The following FHIT variants were observed in gnomAD, a reference collection of about 807,000 sequenced individuals.
FHIT encodes the protein fragile histidine triad diadenosine triphosphatase, also known as bis(5'-adenosyl)-triphosphatase.
A neutral mutation model predicts 17.9 loss-of-function variants in FHIT; 19 were observed. That is an observed-to-expected ratio of 1.06 (90% confidence interval 0.74 to 1.56). The LOEUF (loss-of-function observed/expected upper bound fraction) is 1.56. Ranked by LOEUF, FHIT falls within the 40% of genes most tolerant of loss-of-function variation. The pLI, the probability that FHIT is intolerant of heterozygous loss-of-function variation, is 0.00. For synonymous variants in FHIT, 81 were observed against 69.7 expected (o/e 1.16, Z -0.81); for missense variants, 248 against 189.2 (o/e 1.31, Z -1.82).
intron 5 of FHIT, among the ~76,000 whole-genome samples, chr3:60,333,920 A>G (rs1426633073): frequency 6.6e-6 from 1 of 152,136 alleles, no homozygotes; most frequent in Non-Finnish European, 1.5e-5. Context: ...CTGTTGATCA[A>G]CTTCTCTCCC....
intron 5 of FHIT, among the ~76,000 whole-genome samples, chr3:60,082,343 T>C (rs1428513664): frequency 3.9e-5 from 6 of 152,158 alleles, no homozygotes; most frequent in Non-Finnish European, 7.4e-5. Flanking sequence ...CCACTGTGTA[T>C]GTGTACCGTA....
intron 5 of FHIT, among the ~76,000 whole-genome samples, chr3:60,353,807 C>T (rs778428635): frequency 1.8e-4 from 28 of 152,124 alleles, no homozygotes; most frequent in Admixed American, 1.1e-3. Flanking sequence ...GAGACAGACA[C>T]ACTTTCAAAA....
intron 3 of FHIT, among the ~76,000 whole-genome samples, chr3:60,915,332 A>G (rs551794226): frequency 6.6e-6 from 1 of 152,320 alleles, no homozygotes; most frequent in Non-Finnish European, 1.5e-5. Flanking sequence ...TTTTGGCCAC[A>G]CAGTTCAAAA....
At chr3:60,507,278 A>G (rs1011927368) in intron 5 of FHIT, among the ~76,000 whole-genome samples, 1 of 152,132 alleles carries the variant, frequency 6.6e-6, no homozygotes, top group Admixed American at 6.5e-5. Flanking sequence ...GCAAAGGCCT[A>G]TGGCTAAAGG....
At chr3:60,581,598 A>G (rs1359865495) in intron 4 of FHIT, among the ~76,000 whole-genome samples, 1 of 152,172 alleles carries the variant, frequency 6.6e-6, no homozygotes, top group African/African-American at 2.4e-5. Context: ...TCTATAATGA[A>G]CTAAACACAA....
At chr3:60,634,599 C>T (rs1018323660) in intron 4 of FHIT, among the ~76,000 whole-genome samples, 10 of 152,120 alleles carry the variant, frequency 6.6e-5, no homozygotes, top group African/African-American at 2.2e-4. Flanking sequence ...CCTGGGGTAA[C>T]GGCACCAGCA....
chr3:61,192,903 G>A (rs1287032450), intron 2 of FHIT, among the ~76,000 whole-genome samples: 1 of 152,120 alleles, frequency 6.6e-6, no homozygotes, highest in Non-Finnish European at 1.5e-5. Context: ...TGAATTAGGG[G>A]CAGCATAATT....
intron 4 of FHIT, among the ~76,000 whole-genome samples, chr3:60,635,428 T>TC (rs1342140875): frequency 6.6e-6 from 1 of 152,160 alleles, no homozygotes; most frequent in Non-Finnish European, 1.5e-5. Context: ...AGTTGACCAC[T>TC]CCCCTCCTTC....
At chr3:60,759,558 A>G (rs1699562468) in intron 4 of FHIT, among the ~76,000 whole-genome samples, 1 of 152,174 alleles carries the variant, frequency 6.6e-6, no homozygotes, top group South Asian at 2.1e-4. Context: ...AGATTGACAG[A>G]TCAGAAAGAG....
intron 5 of FHIT, among the ~76,000 whole-genome samples, chr3:60,189,179 C>T (rs746513597): frequency 1.4e-5 from 2 of 142,384 alleles, no homozygotes; most frequent in East Asian, 4.1e-4. Flanking sequence ...TTTTCTCTGA[C>T]AAGTCAAATA....
At chr3:60,302,759 T>C (rs563412939) in intron 5 of FHIT, among the ~76,000 whole-genome samples, 9 of 152,242 alleles carry the variant, frequency 5.9e-5, no homozygotes, top group African/African-American at 2.2e-4. Flanking sequence ...TCAAAGTTAA[T>C]TGGTAGAAAG....
intron 5 of FHIT, among the ~76,000 whole-genome samples, chr3:60,527,915 G>C (rs1451868549): frequency 6.6e-6 from 1 of 152,218 alleles, no homozygotes; most frequent in African/African-American, 2.4e-5. Flanking sequence ...CCATGAACTA[G>C]AGCCACCATT....
intron 2 of FHIT, among the ~76,000 whole-genome samples, chr3:61,156,426 C>T (rs2037535942): frequency 6.6e-6 from 1 of 151,980 alleles, no homozygotes; most frequent in African/African-American, 2.4e-5. Flanking sequence ...CCTGAACTTC[C>T]TCTTCATAAC....
intron 5 of FHIT, among the ~76,000 whole-genome samples, chr3:60,478,150 C>G (rs904667528): frequency 1.3e-5 from 2 of 152,194 alleles, no homozygotes; most frequent in Non-Finnish European, 2.9e-5. Context: ...TATTTCACTA[C>G]CAAACATAAT....
In FHIT at chr3:60,011,351, T is replaced by C. The variant is rs1700130172; in HGVS notation, c.279+20A>G. The C allele has an allele frequency of 2.5e-6, 4 of 1,611,922 alleles. No homozygotes were observed. Among genetic ancestry groups the C allele is most frequent in the Non-Finnish European group, 3.4e-6 (4 of 1,178,028 alleles). The stretch of plus-strand genomic sequence containing the variant: ...CATAATCGCCTCTTATTAATTTGTA[T>C]GCACATAATAAGCACTCACCTTCAC... On this transcript the variant is annotated intron_variant, in intron 7 of 9. Coordinates refer to ENST00000492590, the MANE Select transcript of FHIT (RefSeq NM_002012.4).
intron 5 of FHIT, among the ~76,000 whole-genome samples, chr3:60,245,937 A>G (rs1705374731): frequency 6.6e-6 from 1 of 152,154 alleles, no homozygotes; most frequent in Non-Finnish European, 1.5e-5. Flanking sequence ...GAATAAATTC[A>G]TTTTTATACA....
intron 5 of FHIT, among the ~76,000 whole-genome samples, chr3:60,419,279 A>G (rs1488460782): frequency 2.6e-5 from 4 of 152,212 alleles, no homozygotes; most frequent in African/African-American, 7.2e-5. Flanking sequence ...TGCCTTAGCA[A>G]GTGTCGTCAA....
rs548473651 is a variant in FHIT at position 59,750,671 on chromosome 3, A to T, written c.*6-1092T>A. 5.0e-5 allele frequency: 11 copies of T among 219,652 alleles called. No homozygotes were observed. In the East Asian group the frequency reaches 7.3e-4, roughly 15 times the overall value. 13.6% of individuals were successfully genotyped at this position (219,652 alleles called of 1,614,324 possible). A position where few individuals can be genotyped will look rare whatever the true frequency, so the allele number is the denominator to read the frequency against. ...CTTTCTAGAATGCAAGGATCTGAGTACAACACCATATTTGAACAACAATAG... is the reference window on the plus strand; with the variant it reads ...CTTTCTAGAATGCAAGGATCTGAGTTCAACACCATATTTGAACAACAATAG... On this transcript the variant is annotated intron_variant, in intron 9 of 9. Coordinates refer to ENST00000492590, the MANE Select transcript of FHIT (RefSeq NM_002012.4).
intron 4 of FHIT, among the ~76,000 whole-genome samples, chr3:60,593,992 A>G (rs147239710): frequency 1.3e-5 from 2 of 152,146 alleles, no homozygotes; most frequent in Non-Finnish European, 2.9e-5. Flanking sequence ...TTCTCATGGT[A>G]TATGAAAGTA....
Sources: allele counts gnomAD v4.1 joint callset (sites outside exome capture counted in the v4.1 genomes callset), GRCh38; gene constraint gnomAD v4.1.1; transcripts MANE v1.5; gene names NCBI Gene and HGNC (gene_info 2026-07-23, HGNC 2026-07-21).